The following ADAMTS8 variants were observed in gnomAD, a reference collection of about 807,000 sequenced individuals.
ADAMTS8 encodes the protein A disintegrin and metalloproteinase with thrombospondin motifs 8.
A neutral mutation model predicts 64.4 loss-of-function variants in ADAMTS8; 50 were observed. The observed-to-expected ratio is 0.78, with a 90% CI of 0.62 to 0.98. The LOEUF (loss-of-function observed/expected upper bound fraction) is 0.98. Ranked by LOEUF, ADAMTS8 falls within the 50% of genes least tolerant of loss-of-function variation. The pLI is 0.00. For synonymous variants in ADAMTS8, 556 were observed against 533.6 expected, an observed-to-expected ratio of 1.04 and a Z score of -0.58; for missense variants, 1,192 against 1,208.2, an observed-to-expected ratio of 0.99 and a Z score of 0.20.
intron 5 of ADAMTS8, among the ~76,000 whole-genome samples, chr11:130,412,386 G>T (rs1321215355): frequency 1.3e-5 from 2 of 151,940 alleles, no homozygotes; most frequent in African/African-American, 4.8e-5. Flanking sequence ...GCTAATTTTT[G>T]TATTTTTAGT....
rs919128864 is a variant in ADAMTS8 at position 130,405,812 on chromosome 11, A to C, written c.2416T>G (p.Phe806Val). Residue 806 changes from phenylalanine (F) to valine (V), a missense_variant, in exon 9 of 9, where the codon TTC becomes GTC. Phe to Val is a conservative substitution (Grantham distance 50). This residue lies in a region of ADAMTS8 where 147 missense variants were observed against 154.1 expected (regional missense o/e 0.95). Transcript: ENST00000257359. ...AAGTCCACGTCATTAGGAACAAAGA[A>C]GGTGTATTTGACTTTTGGGGGGAAG... is the stretch of plus-strand genomic sequence containing the variant. ...EVFPPKVKYTFFVPNDVDFSM... is the reference protein window; with the variant it reads ...EVFPPKVKYTVFVPNDVDFSM... The C allele has an allele frequency of 1.2e-6, 2 of 1,613,950 alleles. No homozygotes were observed. The highest frequency in any genetic ancestry group is 2.7e-5 in the African/African-American group (2 of 74,958).
rs1428287235 is a variant in ADAMTS8 at position 130,405,154 on chromosome 11, C to T, written c.*404G>A. 4.0e-6 allele frequency: 4 copies of T among 1,000,838 alleles called. No individual in the cohort carries two copies. In the African/African-American group the frequency reaches 6.9e-5, roughly 17 times the overall value. 62.0% of individuals were successfully genotyped at this position (1,000,838 alleles called of 1,614,324 possible). A position where few individuals can be genotyped will look rare whatever the true frequency, so the allele number is the denominator to read the frequency against. On this transcript the variant is annotated 3_prime_UTR_variant, in exon 9 of 9. Coordinates refer to ENST00000257359, the MANE Select transcript of ADAMTS8 (RefSeq NM_007037.6). Reference sequence around the variant, plus strand: ...TCACCATTGACTCCCTGCCCCACGCCTCTCTTGTACTAATTTTTTCCCCTG... The same window carrying T: ...TCACCATTGACTCCCTGCCCCACGCTTCTCTTGTACTAATTTTTTCCCCTG...
intron 1 of ADAMTS8, among the ~76,000 whole-genome samples, chr11:130,420,553 G>C (rs967344097): frequency 6.6e-6 from 1 of 152,176 alleles, no homozygotes; most frequent in African/African-American, 2.4e-5. Context: ...CTCCTCCTGT[G>C]GTCTGGAAGG....
chr11:130,426,851 G>A (rs1862173252), intron 1 of ADAMTS8, among the ~76,000 whole-genome samples: 1 of 152,206 alleles, frequency 6.6e-6, no homozygotes, highest in Non-Finnish European at 1.5e-5. Flanking sequence ...CGCCCCTCGC[G>A]TTTCCACCAA....
At chr11:130,425,133 G>A (rs530331654) in intron 1 of ADAMTS8, among the ~76,000 whole-genome samples, 20 of 152,088 alleles carry the variant, frequency 1.3e-4, no homozygotes, top group Non-Finnish European at 2.9e-5. Flanking sequence ...GAGCCACATC[G>A]CCCGGTCAGG....
At position 130,428,496 on chromosome 11, in the gene ADAMTS8, C is replaced by T. The variant is rs1324491205; in HGVS notation, c.-210G>A. 5.2e-6 allele frequency: 5 copies of T among 969,012 alleles called. No individual in the cohort carries two copies. In the African/African-American group the frequency reaches 8.8e-5, roughly 17 times the overall value. 60.0% of individuals were successfully genotyped at this position (969,012 alleles called of 1,614,324 possible). On this transcript the variant is annotated 5_prime_UTR_variant, in exon 1 of 9. Transcript: ENST00000257359. ...GCAGCCCGCTCCTCCCGCGCCGCCGCCCCCGAGCCGAGCGCGAGCAGCTGG... is the reference window on the plus strand; with the variant it reads ...GCAGCCCGCTCCTCCCGCGCCGCCGTCCCCGAGCCGAGCGCGAGCAGCTGG...
chr11:130,419,344 C>A (rs761550534), intron 1 of ADAMTS8, 52 bp from the exon 2 acceptor site: 9 of 1,608,554 alleles, frequency 5.6e-6, no homozygotes, highest in Non-Finnish European at 7.6e-6. Context: ...GTCTCAGGGC[C>A]CTTGGCCTGG....
intron 5 of ADAMTS8, among the ~76,000 whole-genome samples, chr11:130,414,150 G>T (rs1592130657): frequency 1.3e-5 from 2 of 148,684 alleles, no homozygotes; most frequent in East Asian, 3.9e-4. Context: ...TGGAGACAGG[G>T]TCTCCCTCTG....
At chr11:130,413,440 A>G (rs1042265532) in intron 5 of ADAMTS8, among the ~76,000 whole-genome samples, 1 of 152,174 alleles carries the variant, frequency 6.6e-6, no homozygotes, top group African/African-American at 2.4e-5. Flanking sequence ...AGTGCAAAAG[A>G]CATGCACTGA....
chr11:130,424,856 C>T (rs142504633), intron 1 of ADAMTS8, among the ~76,000 whole-genome samples: 12 of 152,210 alleles, frequency 7.9e-5, no homozygotes, highest in East Asian at 3.9e-4. Context: ...CCACCCGCCA[C>T]GGTGGCAGCA....
chr11:130,412,900 T>A (rs1299185800), intron 5 of ADAMTS8, among the ~76,000 whole-genome samples: 2 of 152,196 alleles, frequency 1.3e-5, no homozygotes, highest in African/African-American at 2.4e-5. Context: ...CTTGAAAGTC[T>A]TGCTCTGTCG....
rs1289998880 is a variant in ADAMTS8 at position 130,427,752 on chromosome 11, T to C, written c.535A>G (p.Arg179Gly). 1 of 1,595,316 alleles carries C rather than the reference T, an allele frequency of 6.3e-7. No individual in the cohort carries two copies. Among genetic ancestry groups the C allele is most frequent in the Admixed American group, 1.7e-5 (1 of 58,330 alleles). Residue 179 changes from arginine to glycine, a missense_variant, in exon 1 of 9, where the codon AGA becomes GGA. Physicochemically the swap from Arg to Gly is moderately radical, Grantham distance 125. Transcript: ENST00000257359. ...VETGEGQRQE[R>G]GDHQEDSEEE... is the part of the protein sequence containing the mutation. ...TCGCTGTCCTCCTGGTGGTCTCCTC[T>C]CTCCTGCCTCTGACCCTCTCCCGTC...
intron 1 of ADAMTS8, among the ~76,000 whole-genome samples, chr11:130,423,832 C>T (rs979773602): frequency 1.3e-5 from 2 of 152,218 alleles, no homozygotes; most frequent in Admixed American, 6.5e-5. Context: ...AGCAGCTGGA[C>T]GTAGACAGAG....
rs914916139 is a variant in ADAMTS8 at position 130,428,272 on chromosome 11, G to A, written c.15C>T (p.Pro5=). 1 of 1,208,390 alleles carries A rather than the reference G, an allele frequency of 8.3e-7. No individual in the cohort carries two copies. Among genetic ancestry groups the A allele is most frequent in the Admixed American group, 4.5e-5 (1 of 22,038 alleles). 74.9% of individuals were successfully genotyped at this position (1,208,390 alleles called of 1,614,324 possible). A position where few individuals can be genotyped will look rare whatever the true frequency, so the allele number is the denominator to read the frequency against. Residue 5 remains proline (P), a synonymous_variant, in exon 1 of 9, where the codon CCC becomes CCT. Coordinates refer to ENST00000257359, the MANE Select transcript of ADAMTS8 (RefSeq NM_007037.6). MLPA[P]AAPRWPPLLL... Reference sequence around the variant, plus strand: ...GGAGCGGAGGCCACCGGGGGGCGGCGGGGGCGGGGAGCATGGGGGCTGCGG... The same window carrying A: ...GGAGCGGAGGCCACCGGGGGGCGGCAGGGGCGGGGAGCATGGGGGCTGCGG...
chr11:130,421,347 C>T (rs369762065), intron 1 of ADAMTS8, among the ~76,000 whole-genome samples: 4 of 152,178 alleles, frequency 2.6e-5, no homozygotes, highest in South Asian at 2.1e-4. Context: ...AGGAGCTTCC[C>T]GGCCCTAAGG....
In ADAMTS8 at chr11:130,405,111, T is replaced by G. The variant is rs1290750643; in HGVS notation, c.*447A>C. 2 of 992,626 alleles carry G rather than the reference T, an allele frequency of 2.0e-6. No individual in the cohort carries two copies. Among genetic ancestry groups the G allele is most frequent in the African/African-American group, 3.5e-5 (2 of 57,404 alleles). The allele number at this position is 992,626 out of a possible 1,614,324, so 61.5% of individuals were successfully genotyped here. The stretch of plus-strand genomic sequence containing the variant: ...TTGAAGACAGCTTGGGGTCCAGCTT[T>G]GGAGCCTGCTTTGACATTCACCATT... On this transcript the variant is annotated 3_prime_UTR_variant, in exon 9 of 9. Coordinates refer to ENST00000257359, the MANE Select transcript of ADAMTS8 (RefSeq NM_007037.6).
Position 130,405,390 on chromosome 11 carries a change from TC to T in ADAMTS8, c.*167del. 4 of 1,428,160 alleles carry T rather than the reference TC, an allele frequency of 2.8e-6. No individual in the cohort carries two copies. The highest frequency in any genetic ancestry group is 3.6e-6 in the Non-Finnish European group (4 of 1,096,872). The allele number at this position is 1,428,160 out of a possible 1,614,324, so 88.5% of individuals were successfully genotyped here. On this transcript the variant is annotated 3_prime_UTR_variant, in exon 9 of 9. Transcript: ENST00000257359. ...TCTGCCGCCCCATACCCTCTCCTCT[TC>T]CCCCTTAGGAATTTGTGCAGTACTG... is the stretch of plus-strand genomic sequence containing the variant.
intron 8 of ADAMTS8, among the ~76,000 whole-genome samples, 188 bp from the exon 9 acceptor site, chr11:130,406,316 G>A (rs1320810392): frequency 3.3e-5 from 5 of 152,164 alleles, no homozygotes; most frequent in Admixed American, 2.6e-4. Flanking sequence ...CTGTACATTG[G>A]GATTTTCAAG....
chr11:130,417,252 ATT>A (rs1565377995), intron 2 of ADAMTS8, among the ~76,000 whole-genome samples, 177 bp from the exon 3 acceptor site: 4 of 70,398 alleles, frequency 5.7e-5, no homozygotes. Flanking sequence ...AAATTAAATT[ATT>A]ATTATTATTA....
Sources: gnomAD v4.1 joint callset for allele counts (sites outside exome capture counted in the v4.1 genomes callset) on GRCh38, gnomAD v4.1.1 for gene constraint, gnomAD v4.1.1 regional missense constraint, MANE v1.5 for transcripts, NCBI Gene and HGNC (gene_info 2026-07-23, HGNC 2026-07-21) for gene names.